PCDH11X: variants seen among roughly 807,000 people sequenced by gnomAD.
PCDH11X encodes protocadherin 11 X-linked, also known as protocadherin-11 X-linked.
PCDH11X carries 18 observed loss-of-function variants against 53.3 expected under a neutral mutation model. The ratio of observed to expected loss-of-function variants is 0.34; its 90% CI spans 0.23 to 0.50. The LOEUF is 0.50. Ranked by LOEUF, PCDH11X falls within the 20% of genes least tolerant of loss-of-function variation. PCDH11X has a pLI of 0.98. For missense variants in PCDH11X, 570 were observed against 1,032.4 expected (o/e 0.55, Z 6.14); for synonymous variants, 279 against 393.3 (o/e 0.71, Z 3.44).
intron 5 of PCDH11X, among the ~76,000 whole-genome samples, chrX:91,847,145 T>TTGTG (rs754247208): frequency 0.054 from 5,734 of 106,847 alleles, 432 homozygotes; most frequent in African/African-American, 0.19. Flanking sequence ...TTTGTGTCCT[T>TTGTG]TGTGTGTGTG....
intron 6 of PCDH11X, among the ~76,000 whole-genome samples, chrX:92,037,400 T>C (rs1430073369): frequency 5.4e-5 from 6 of 111,800 alleles, no homozygotes; most frequent in Admixed American, 1.9e-4. Flanking sequence ...CATTCCTTTT[T>C]ACGGCTGCAT....
intron 8 of PCDH11X, among the ~76,000 whole-genome samples, chrX:92,276,586 A>G (rs1210055715): frequency 9.1e-6 from 1 of 110,461 alleles, no homozygotes; most frequent in East Asian, 2.9e-4. Context: ...AGGCATTTGG[A>G]AGTTCTTGTG....
chrX:92,593,497 G>T (rs1207943525), intron 10 of PCDH11X, among the ~76,000 whole-genome samples: 1 of 111,910 alleles, frequency 8.9e-6, no homozygotes, highest in Admixed American at 9.5e-5. Context: ...TTTGTTTTTG[G>T]TAAGAGGTTA....
Position 92,583,186 on chromosome X carries a change from G to A in PCDH11X, c.3368-35078G>A, listed in dbSNP as rs1393977145. Among the ~76,000 whole-genome samples the A allele has an allele frequency of 6.2e-5, 6 of 97,334 alleles. No homozygotes were observed. The South Asian group carries it at 2.0e-3, about 33-fold the overall frequency. The allele number at this position is 97,334 out of a possible 115,157, so 84.5% of individuals were successfully genotyped here. A position where few individuals can be genotyped will look rare whatever the true frequency, so the allele number is the denominator to read the frequency against. On this transcript the variant is annotated intron_variant, in intron 10 of 10. Transcript: ENST00000682573. ...GTGATCTCGGCTCACTGCAACCTCC[G>A]CCTCCCAGGTTCAAGCGATTCTCCT...
At chrX:91,985,418 T>G (rs1384599826) in intron 6 of PCDH11X, among the ~76,000 whole-genome samples, 1 of 111,883 alleles carries the variant, frequency 8.9e-6, no homozygotes, top group Non-Finnish European at 1.9e-5. Context: ...GGCAGGAGAA[T>G]TGCTTGAACC....
At chrX:91,964,058 C>A (rs1035427875) in intron 6 of PCDH11X, among the ~76,000 whole-genome samples, 4 of 108,857 alleles carry the variant, frequency 3.7e-5, no homozygotes, top group Non-Finnish European at 7.6e-5. Flanking sequence ...CACAGCCAAA[C>A]CATATCAAGC....
rs982016056 is a variant in PCDH11X at position 91,841,059 on chromosome X, A to G, written c.540+5015A>G. ...ATGTTAAAAAGCAAAAGAGATGACAATCAAATGCTAACGACTATGAGGTTT... is the reference window on the plus strand; with the variant it reads ...ATGTTAAAAAGCAAAAGAGATGACAGTCAAATGCTAACGACTATGAGGTTT... On this transcript the variant is annotated intron_variant, in intron 5 of 10. Transcript: ENST00000682573. Among the ~76,000 whole-genome samples the G allele has an allele frequency of 3.6e-5, 4 of 110,515 alleles. No individual in the cohort carries two copies. The Admixed American group carries it at 3.9e-4, about 11-fold the overall frequency.
chrX:92,276,774 T>C (rs930337867), intron 8 of PCDH11X, among the ~76,000 whole-genome samples: 1 of 112,006 alleles, frequency 8.9e-6, no homozygotes, highest in Non-Finnish European at 1.9e-5. Context: ...AAAATGTATA[T>C]TGAGAATAAG....
chrX:91,937,004 C>T (rs999615675), intron 6 of PCDH11X, among the ~76,000 whole-genome samples: 5 of 109,579 alleles, frequency 4.6e-5, no homozygotes, highest in Middle Eastern at 5.1e-3. Flanking sequence ...ACTATAATCA[C>T]CTTTAAGATT....
At chrX:92,109,229 G>T (rs1028686420) in intron 6 of PCDH11X, among the ~76,000 whole-genome samples, 3 of 110,901 alleles carry the variant, frequency 2.7e-5, no homozygotes, top group African/African-American at 9.8e-5. Context: ...AAATTAGCTG[G>T]GCGTGGTGGC....
chrX:92,535,094 C>G (rs2074632267), intron 10 of PCDH11X, among the ~76,000 whole-genome samples: 2 of 112,138 alleles, frequency 1.8e-5, no homozygotes. Context: ...TTAGCTCAAC[C>G]ATTGTGGAAA....
chrX:92,166,175 T>C (rs1462060540), intron 6 of PCDH11X, among the ~76,000 whole-genome samples: 5 of 107,170 alleles, frequency 4.7e-5, no homozygotes, highest in Admixed American at 2.0e-4. Flanking sequence ...TTTCAATACA[T>C]TAAAAGAGAA....
intron 5 of PCDH11X, among the ~76,000 whole-genome samples, chrX:91,875,722 TA>T (rs1236840027): frequency 7.5e-5 from 8 of 106,489 alleles, no homozygotes; most frequent in Admixed American, 2.0e-4. Flanking sequence ...GCTTGCATGT[TA>T]AAAAAAAAAC....
At chrX:92,340,585 G>C (rs754228849) in intron 8 of PCDH11X, among the ~76,000 whole-genome samples, 2 of 112,066 alleles carry the variant, frequency 1.8e-5, no homozygotes, top group African/African-American at 6.5e-5. Flanking sequence ...CTGAAGCAGT[G>C]GTGTGAGCTG....
chrX:92,173,196 T>C (rs1030086478), intron 6 of PCDH11X, among the ~76,000 whole-genome samples: 1 of 111,847 alleles, frequency 8.9e-6, no homozygotes, highest in Non-Finnish European at 1.9e-5. Flanking sequence ...TGCTATTAGT[T>C]TGATTTTAGA....
At chrX:92,441,808 G>C (rs2072521787) in intron 9 of PCDH11X, among the ~76,000 whole-genome samples, 1 of 111,177 alleles carries the variant, frequency 9.0e-6, no homozygotes, top group African/African-American at 3.3e-5. Flanking sequence ...GAGGGTTACA[G>C]TCCTTCAGAC....
intron 6 of PCDH11X, among the ~76,000 whole-genome samples, chrX:92,009,414 G>T (rs868469555): frequency 9.0e-6 from 1 of 111,245 alleles, no homozygotes; most frequent in Admixed American, 9.6e-5. Context: ...AATGAGAACA[G>T]TGTTAAGGAA....
At chrX:91,950,607 T>TATATATACAC (rs772420274) in intron 6 of PCDH11X, among the ~76,000 whole-genome samples, 1 of 97,774 alleles carries the variant, frequency 1.0e-5, no homozygotes, top group African/African-American at 4.1e-5. Flanking sequence ...TATATATATA[T>TATATATACAC]ACACACACAC....
At chrX:91,866,740 T>G (rs1282172297) in intron 5 of PCDH11X, among the ~76,000 whole-genome samples, 1 of 111,193 alleles carries the variant, frequency 9.0e-6, no homozygotes, top group Non-Finnish European at 1.9e-5. Flanking sequence ...ATGAAGGTGT[T>G]TTTTCTTTGT....
Sources: allele counts gnomAD v4.1 joint callset (sites outside exome capture counted in the v4.1 genomes callset), GRCh38; gene constraint gnomAD v4.1.1; transcripts MANE v1.5; gene names NCBI Gene and HGNC (gene_info 2026-07-23, HGNC 2026-07-21).